NEK3: variants seen among roughly 807,000 people sequenced by gnomAD.
NEK3 encodes serine/threonine-protein kinase Nek3.
A neutral mutation model predicts 66.0 loss-of-function variants in NEK3; 54 were observed. That is an observed-to-expected ratio of 0.82 (90% CI 0.66 to 1.03). The LOEUF (loss-of-function observed/expected upper bound fraction) is 1.03, where lower values mean the gene tolerates loss of function less well. NEK3 is among the 50% of genes least tolerant of loss of function. The pLI is 0.00. For synonymous variants in NEK3, 200 were observed against 206.2 expected (o/e 0.97, Z 0.26); for missense variants, 593 against 603.0 (o/e 0.98, Z 0.17).
Position 52,136,893 on chromosome 13 carries a change from C to CT in NEK3, c.936dup (p.Glu313ArgfsTer4). 3 of 1,557,558 alleles carry CT rather than the reference C, an allele frequency of 1.9e-6. No homozygotes were observed. The highest frequency in any genetic ancestry group is 2.6e-6 in the Non-Finnish European group (3 of 1,149,832). ...GTATGGCTACCCTTTCTATCTTGTT[C>CT]TTCCTCTTGCTTTAAAAGAGATTAA... On this transcript the variant is annotated frameshift_variant, in exon 12 of 16. Transcript: ENST00000610828. LOFTEE classifies it high-confidence loss of function.
Position 52,141,089 on chromosome 13 carries a change from A to C in NEK3, c.878-20T>G. ...GGTTTGCTTTTAAAAGAGAGAGAGA[A>C]GGTAGAAAGATAAAACACATAAAGG... On this transcript the variant is annotated intron_variant, in intron 10 of 15. Transcript: ENST00000610828. 6.3e-7 allele frequency: 1 copy of C among 1,585,008 alleles called. No homozygotes were observed. The highest frequency in any genetic ancestry group is 8.6e-7 in the Non-Finnish European group (1 of 1,164,132).
intron 10 of NEK3, 70 bp from the exon 11 acceptor site, chr13:52,141,139 G>T: frequency 2.2e-6 from 3 of 1,388,516 alleles, no homozygotes; most frequent in South Asian, 2.6e-5. Flanking sequence ...TTCCTAATAT[G>T]ATTTTCATAC....
At chr13:52,149,941 C>T (rs1414056375) in intron 7 of NEK3, among the ~76,000 whole-genome samples, 1 of 151,448 alleles carries the variant, frequency 6.6e-6, no homozygotes, top group Admixed American at 6.6e-5. Context: ...CTCCTAAGAA[C>T]GAAGACCTAC....
intron 15 of NEK3, 66 bp downstream of exon 15, chr13:52,133,615 TCACACACA>T (rs3831081): frequency 1.9e-5 from 25 of 1,308,394 alleles, no homozygotes; most frequent in Middle Eastern, 2.1e-4. Flanking sequence ...CTAATTTAAA[TCACACACA>T]CACACACACA....
intron 2 of NEK3, among the ~76,000 whole-genome samples, chr13:52,155,181 C>A (rs1017685270): frequency 6.6e-6 from 1 of 151,866 alleles, no homozygotes; most frequent in South Asian, 2.1e-4. Context: ...AATCACTGAA[C>A]GAAGTCAAGA....
chr13:52,144,645 C>G (rs772498877), intron 9 of NEK3, 46 bp downstream of exon 9: 1 of 1,459,934 alleles, frequency 6.8e-7, no homozygotes, highest in Admixed American at 1.7e-5. Context: ...AACCATTTTA[C>G]CATACACTTG....
rs9535882 is a variant in NEK3 at position 52,136,425 on chromosome 13, T to A, written c.1031-166A>T. 0.45 allele frequency among the ~76,000 whole-genome samples: 67,759 copies of A among 151,208 alleles called. 17,841 individuals carry two copies. The highest frequency in any genetic ancestry group is 0.59 in the Non-Finnish European group (40,002 of 67,730). Reference sequence around the variant, plus strand: ...TCTAATCTAAGTAGCAAAGGAAATTTAAAAAAAAATCCAAAATGAAAAATT... The same window carrying A: ...TCTAATCTAAGTAGCAAAGGAAATTAAAAAAAAAATCCAAAATGAAAAATT... On this transcript the variant is annotated intron_variant, in intron 12 of 15. Transcript: ENST00000610828.
At chr13:52,134,331 C>T (rs1351770442) in intron 14 of NEK3, among the ~76,000 whole-genome samples, 2 of 151,732 alleles carry the variant, frequency 1.3e-5, no homozygotes, top group Non-Finnish European at 1.5e-5. Flanking sequence ...AGCCTATAAA[C>T]AGGATTTTCT....
chr13:52,140,855 G>A (rs916502954), intron 11 of NEK3, among the ~76,000 whole-genome samples, 165 bp downstream of exon 11: 5 of 150,138 alleles, frequency 3.3e-5, no homozygotes, highest in Non-Finnish European at 7.4e-5. Context: ...CGCTCTTGTC[G>A]CCCAGGCTGG....
intron 14 of NEK3, among the ~76,000 whole-genome samples, chr13:52,134,564 G>A (rs1956186936): frequency 6.6e-6 from 1 of 152,260 alleles, no homozygotes; most frequent in Non-Finnish European, 1.5e-5. Flanking sequence ...ATTACTTTTA[G>A]ATTTTTCACA....
chr13:52,135,908 T>C (rs2296350), intron 13 of NEK3, 45 bp from the exon 14 acceptor site: 886,168 of 1,587,494 alleles, frequency 0.56, 254,413 homozygotes, highest in Non-Finnish European at 0.6. Context: ...AAAAAAGATT[T>C]TTCAGCATGT....
rs570383068 is a variant in NEK3, at chr13:52,154,004, A to G, written c.212-12T>C. Reference sequence around the variant, plus strand: ...CAAGTGTCCTTCAGCTAAAACAGATATAAGCTCTTTAGAAAAGCTGTAGTG... The same window carrying G: ...CAAGTGTCCTTCAGCTAAAACAGATGTAAGCTCTTTAGAAAAGCTGTAGTG... On this transcript the variant is annotated splice_polypyrimidine_tract_variant and intron_variant, in intron 3 of 15. Coordinates refer to ENST00000610828, the MANE Select transcript of NEK3 (RefSeq NM_002498.3). 1.9e-6 allele frequency: 3 copies of G among 1,608,214 alleles called. No homozygotes were observed. The highest frequency in any genetic ancestry group is 1.1e-5 in the South Asian group (1 of 90,896).
In NEK3 at chr13:52,152,707, T is replaced by G; in HGVS notation, c.310-15A>C. On this transcript the variant is annotated splice_polypyrimidine_tract_variant and intron_variant, in intron 4 of 15. Coordinates refer to ENST00000610828, the MANE Select transcript of NEK3 (RefSeq NM_002498.3). ...CAATTAAGTATCTGTAAGAAAAAGG[T>G]ATGCAAAATCTTCAAGAATGCAGTA... The G allele has an allele frequency of 6.4e-7, 1 of 1,568,418 alleles. No individual in the cohort carries two copies. The highest frequency in any genetic ancestry group is 8.8e-7 in the Non-Finnish European group (1 of 1,142,770).
At chr13:52,147,116 T>G (rs1250281735) in intron 8 of NEK3, among the ~76,000 whole-genome samples, 1 of 152,172 alleles carries the variant, frequency 6.6e-6, no homozygotes, top group Non-Finnish European at 1.5e-5. Context: ...GCAAAGTCTA[T>G]GTTTTCATGA....
chr13:52,154,915 C>T (rs1000114793), intron 2 of NEK3, among the ~76,000 whole-genome samples: 1 of 150,586 alleles, frequency 6.6e-6, no homozygotes, highest in Non-Finnish European at 1.5e-5. Context: ...TACGATTGTG[C>T]CACTACACTC....
At chr13:52,156,604 C>T (rs1594031943) in intron 1 of NEK3, 1 of 155,728 alleles carries the variant, frequency 6.4e-6, no homozygotes, top group Non-Finnish European at 1.4e-5. Context: ...TACTGAATAA[C>T]CCTTATCTTA....
At position 52,152,589 on chromosome 13, in the gene NEK3, C is replaced by CA; in HGVS notation, c.393+19dup. The CA allele has an allele frequency of 6.6e-7, 1 of 1,522,896 alleles. No homozygotes were observed. The highest frequency in any genetic ancestry group is 8.9e-7 in the Non-Finnish European group (1 of 1,123,694). 94.3% of individuals were successfully genotyped at this position (1,522,896 alleles called of 1,614,324 possible). ...ATTAAGGACTTTTTTTTTTTAAGTC[C>CA]AAAAATGTACTCCACTCACCTTGGA... On this transcript the variant is annotated intron_variant, in intron 5 of 15. Transcript: ENST00000610828.
Position 52,154,162 on chromosome 13 carries a change from A to T in NEK3, c.129T>A (p.Asn43Lys). Reference protein sequence around the residue: ...KEIRLPKSFSNTQNSRKEAVL... With the variant: ...KEIRLPKSFSKTQNSRKEAVL... ...CAGCCTCCTTCCTAGAATTCTGTGT[A>T]TTAGAGAAAGACTAGAAAAACATTT... The change falls in exon 3 of 16, where the codon AAT becomes AAA. Residue 43 changes from asparagine (N) to lysine (K), a missense_variant. Coordinates refer to ENST00000610828, the MANE Select transcript of NEK3 (RefSeq NM_002498.3). The T allele has an allele frequency of 6.2e-7, 1 of 1,601,568 alleles. No individual in the cohort carries two copies.
chr13:52,152,757 C>T, intron 4 of NEK3, 65 bp from the exon 5 acceptor site: 1 of 1,035,218 alleles, frequency 9.7e-7, no homozygotes, highest in East Asian at 2.4e-5. Flanking sequence ...ACCTACAATT[C>T]CAAAGAATCA....
Sources: gnomAD v4.1 joint callset for allele counts (sites outside exome capture counted in the v4.1 genomes callset) on GRCh38, gnomAD v4.1.1 for gene constraint, MANE v1.5 for transcripts, NCBI Gene and HGNC (gene_info 2026-07-23, HGNC 2026-07-21) for gene names.